GRM7: variants seen among roughly 807,000 people sequenced by gnomAD.
GRM7 encodes glutamate metabotropic receptor 7, also known as metabotropic glutamate receptor 7.
In GRM7, 35 loss-of-function variants were observed where a neutral mutation model predicts 84.5. The observed-to-expected ratio is 0.41, with a 90% CI of 0.32 to 0.55. The LOEUF (loss-of-function observed/expected upper bound fraction) is 0.55. Among genes scored for constraint, GRM7 ranks in the 20% least tolerant of loss-of-function variants. The pLI, the probability that GRM7 is intolerant of heterozygous loss-of-function variation, is 0.19. For synonymous variants in GRM7, 487 were observed against 455.1 expected, an observed-to-expected ratio of 1.07 and a Z score of -0.89; for missense variants, 1,003 against 1,194.6, an observed-to-expected ratio of 0.84 and a Z score of 2.36.
At position 7,569,379 on chromosome 3, in the gene GRM7, C is replaced by T. The variant is rs1694523751; in HGVS notation, c.1516-9043C>T. Among the ~76,000 whole-genome samples the T allele has an allele frequency of 2.0e-5, 3 of 152,220 alleles. No individual in the cohort carries two copies. In the Middle Eastern group the frequency reaches 0.01, roughly 518 times the overall value. On this transcript the variant is annotated intron_variant, in intron 7 of 9. Coordinates refer to ENST00000357716, the MANE Select transcript of GRM7 (RefSeq NM_000844.4). The stretch of plus-strand genomic sequence containing the variant: ...CTTGGAGAACCTTTGTGTCCACACT[C>T]TGTATCTAGCTAATCTAGTGGGGAC...
At chr3:7,693,824 G>A in intron 9 of GRM7, 1 of 545,310 alleles carries the variant, frequency 1.8e-6, no homozygotes, top group Middle Eastern at 2.7e-4. Flanking sequence ...TCACATGCCA[G>A]CAACATCCTC....
intron 1 of GRM7, among the ~76,000 whole-genome samples, chr3:7,072,473 G>C (rs1163274443): frequency 1.3e-5 from 2 of 152,072 alleles, no homozygotes; most frequent in Non-Finnish European, 2.9e-5. Context: ...CTTGAGCCCA[G>C]GAGTTTGAGA....
intron 2 of GRM7, among the ~76,000 whole-genome samples, chr3:7,206,726 A>G (rs1400199379): frequency 6.6e-6 from 1 of 152,224 alleles, no homozygotes; most frequent in African/African-American, 2.4e-5. Context: ...TGTTGGTAGC[A>G]TTCAGGGCCC....
intron 8 of GRM7, chr3:7,608,136 TG>T (rs749186657): frequency 5.3e-6 from 1 of 188,732 alleles, no homozygotes; most frequent in Non-Finnish European, 1.2e-5. Flanking sequence ...CTGTCACTGA[TG>T]GGCATTCAGG....
chr3:7,311,895 T>C (rs1260636342), intron 4 of GRM7, among the ~76,000 whole-genome samples: 1 of 152,146 alleles, frequency 6.6e-6, no homozygotes, highest in East Asian at 1.9e-4. Context: ...GCACCCGGCC[T>C]CAACACATTC....
At chr3:6,927,187 G>A (rs1360380419) in intron 1 of GRM7, among the ~76,000 whole-genome samples, 2 of 152,140 alleles carry the variant, frequency 1.3e-5, no homozygotes, top group African/African-American at 4.8e-5. Context: ...CAGCACTTTG[G>A]GAGGCTGAGG....
intron 8 of GRM7, among the ~76,000 whole-genome samples, chr3:7,656,543 G>GCACA (rs140409240): frequency 0.033 from 3,942 of 119,832 alleles, 80 homozygotes; most frequent in African/African-American, 0.037. Context: ...ATATATACGC[G>GCACA]CGCGCACACA....
rs181269236 is a variant in GRM7, at chr3:7,639,710, T to C, written c.2452-40339T>C. 1.8e-4 allele frequency among the ~76,000 whole-genome samples: 28 copies of C among 152,290 alleles called. No individual in the cohort carries two copies. The East Asian group carries it at 5.2e-3, about 28-fold the overall frequency. On this transcript the variant is annotated intron_variant, in intron 8 of 9. Transcript: ENST00000357716. Reference sequence around the variant, plus strand: ...GTAATATATGTATGCAGTATACATATAATTTTATATATGTCATAAAGCAGT... The same window carrying C: ...GTAATATATGTATGCAGTATACATACAATTTTATATATGTCATAAAGCAGT...
intron 2 of GRM7, among the ~76,000 whole-genome samples, chr3:7,232,908 T>C (rs1450436411): frequency 6.6e-6 from 1 of 152,146 alleles, no homozygotes; most frequent in Non-Finnish European, 1.5e-5. Flanking sequence ...TTCGAATCTT[T>C]AGATGTTAAT....
At chr3:7,059,200 G>T (rs1411231059) in intron 1 of GRM7, among the ~76,000 whole-genome samples, 1 of 151,670 alleles carries the variant, frequency 6.6e-6, no homozygotes, top group African/African-American at 2.4e-5. Context: ...ATATGTAACA[G>T]TGTTTCATCA....
At chr3:7,053,726 G>C (rs937356003) in intron 1 of GRM7, among the ~76,000 whole-genome samples, 2 of 151,028 alleles carry the variant, frequency 1.3e-5, no homozygotes, top group African/African-American at 4.9e-5. Flanking sequence ...TGATCTATAT[G>C]TCTGTTTCTA....
At chr3:7,433,086 G>A (rs1009234607) in intron 5 of GRM7, among the ~76,000 whole-genome samples, 1 of 152,158 alleles carries the variant, frequency 6.6e-6, no homozygotes, top group Non-Finnish European at 1.5e-5. Context: ...AACCTTCTAT[G>A]GACACAATAA....
chr3:6,922,631 A>G (rs921614253), intron 1 of GRM7, among the ~76,000 whole-genome samples: 5 of 152,212 alleles, frequency 3.3e-5, no homozygotes, highest in Non-Finnish European at 7.3e-5. Flanking sequence ...TTTAGAACCT[A>G]TAACATACAT....
chr3:7,475,704 C>G (rs991947391), intron 7 of GRM7, among the ~76,000 whole-genome samples: 3 of 152,158 alleles, frequency 2.0e-5, no homozygotes, highest in Non-Finnish European at 4.4e-5. Context: ...CATTACCTGA[C>G]AACATTATGG....
chr3:6,898,241 GCTTA>G (rs1205803293), intron 1 of GRM7, among the ~76,000 whole-genome samples: 1 of 152,136 alleles, frequency 6.6e-6, no homozygotes, highest in Non-Finnish European at 1.5e-5. Context: ...AGTAGTTAGT[GCTTA>G]TTTGGCAGAC....
At chr3:7,395,837 C>A (rs991722553) in intron 4 of GRM7, among the ~76,000 whole-genome samples, 1 of 152,080 alleles carries the variant, frequency 6.6e-6, no homozygotes, top group Non-Finnish European at 1.5e-5. Context: ...TGAACTAATA[C>A]ATATACCATT....
At chr3:7,436,775 C>T (rs563352292) in intron 5 of GRM7, among the ~76,000 whole-genome samples, 2 of 152,308 alleles carry the variant, frequency 1.3e-5, no homozygotes, top group African/African-American at 2.4e-5. Flanking sequence ...CTGGCCCTCC[C>T]CTGTGCCTAT....
At chr3:7,344,940 A>T (rs1692822616) in intron 4 of GRM7, among the ~76,000 whole-genome samples, 1 of 152,180 alleles carries the variant, frequency 6.6e-6, no homozygotes. Context: ...TCCCTATACA[A>T]ATGTTAAATG....
intron 9 of GRM7, among the ~76,000 whole-genome samples, chr3:7,717,300 T>A (rs1480878065): frequency 6.6e-6 from 1 of 152,180 alleles, no homozygotes; most frequent in African/African-American, 2.4e-5. Context: ...CACAAAGTTA[T>A]TTTCCAGTAG....
Sources: allele counts gnomAD v4.1 joint callset (sites outside exome capture counted in the v4.1 genomes callset), GRCh38; gene constraint gnomAD v4.1.1; transcripts MANE v1.5; gene names NCBI Gene and HGNC (gene_info 2026-07-23, HGNC 2026-07-21).